Variants in WDR49 observed in about 807,000 individuals in gnomAD.
WDR49 encodes the protein cilia- and flagella-associated protein 337.
A neutral mutation model predicts 119.5 loss-of-function variants in WDR49; 107 were observed. The observed-to-expected ratio is 0.90, with a 90% CI of 0.77 to 1.05. WDR49 has a LOEUF of 1.05. Ranked by LOEUF, WDR49 falls within the 50% of genes least tolerant of loss-of-function variation. WDR49 has a pLI of 0.00. For missense variants in WDR49, 1,240 were observed against 1,220.5 expected, an observed-to-expected ratio of 1.02 and a Z score of -0.24; for synonymous variants, 425 against 418.8, an observed-to-expected ratio of 1.01 and a Z score of -0.18.
intron 8 of WDR49, among the ~76,000 whole-genome samples, chr3:167,574,296 G>C (rs1577249695): frequency 6.6e-6 from 1 of 152,226 alleles, no homozygotes; most frequent in Non-Finnish European, 1.5e-5. Flanking sequence ...TGTGTTATTT[G>C]CTTTGTCTAA....
chr3:167,521,421 C>T (rs1269139207), intron 16 of WDR49, among the ~76,000 whole-genome samples: 1 of 152,122 alleles, frequency 6.6e-6, no homozygotes. Flanking sequence ...TCCTTCTTCC[C>T]ATCCTCAGTG....
intron 16 of WDR49, among the ~76,000 whole-genome samples, chr3:167,506,829 G>A (rs563690960): frequency 2.0e-5 from 3 of 152,092 alleles, no homozygotes; most frequent in Non-Finnish European, 4.4e-5. Flanking sequence ...TGTTTATTAT[G>A]ATCTTGATAG....
chr3:167,573,773 T>C (rs1714075099), intron 8 of WDR49, among the ~76,000 whole-genome samples: 1 of 152,314 alleles, frequency 6.6e-6, no homozygotes, highest in Middle Eastern at 3.4e-3. Flanking sequence ...CAGACAGTGA[T>C]ACATTCAACA....
At chr3:167,639,733 CT>C (rs1717791001) in intron 2 of WDR49, among the ~76,000 whole-genome samples, 1 of 151,834 alleles carries the variant, frequency 6.6e-6, no homozygotes, top group African/African-American at 2.4e-5. Flanking sequence ...CTCTTTCTTG[CT>C]GTCACATCCT....
intron 4 of WDR49, among the ~76,000 whole-genome samples, chr3:167,620,856 C>G (rs1308903059): frequency 1.3e-5 from 2 of 152,124 alleles, no homozygotes; most frequent in African/African-American, 4.8e-5. Flanking sequence ...AAAGCTTTCA[C>G]AATTACAAAA....
At chr3:167,628,683 A>C (rs184437604) in intron 2 of WDR49, among the ~76,000 whole-genome samples, 1 of 152,308 alleles carries the variant, frequency 6.6e-6, no homozygotes, top group East Asian at 1.9e-4. Flanking sequence ...ATGAAGCAGA[A>C]ACTGCTGATG....
intron 7 of WDR49, among the ~76,000 whole-genome samples, chr3:167,594,018 T>C (rs575070282): frequency 1.1e-3 from 173 of 152,292 alleles, no homozygotes; most frequent in Middle Eastern, 3.4e-3. Context: ...TCCCCAGCCA[T>C]GAGCAACTAT....
intron 4 of WDR49, among the ~76,000 whole-genome samples, chr3:167,621,214 C>CT (rs139060813): frequency 0.012 from 1,873 of 152,082 alleles, 33 homozygotes; most frequent in African/African-American, 0.043. Context: ...TTAGCAAGAT[C>CT]TTTTTTTCTA....
intron 8 of WDR49, among the ~76,000 whole-genome samples, chr3:167,568,256 A>AT (rs374248390): frequency 3.9e-5 from 6 of 152,096 alleles, no homozygotes; most frequent in East Asian, 1.9e-4. Flanking sequence ...TTATTTTGGT[A>AT]TTTTTTGTAC....
chr3:167,481,833 T>C (rs1229282161), intron 18 of WDR49, among the ~76,000 whole-genome samples: 2 of 152,176 alleles, frequency 1.3e-5, no homozygotes, highest in African/African-American at 4.8e-5. Flanking sequence ...CTGGCCCGCA[T>C]GATTCAATTA....
intron 5 of WDR49, among the ~76,000 whole-genome samples, chr3:167,619,256 A>C (rs922775435): frequency 6.6e-6 from 1 of 152,166 alleles, no homozygotes; most frequent in African/African-American, 2.4e-5. Context: ...AAATAAAAGA[A>C]TACAATGTTT....
chr3:167,590,763 G>A (rs907012961), intron 7 of WDR49, among the ~76,000 whole-genome samples: 2 of 151,732 alleles, frequency 1.3e-5, no homozygotes, highest in African/African-American at 4.8e-5. Flanking sequence ...TTTTTCATCT[G>A]TACTTTTATA....
intron 8 of WDR49, among the ~76,000 whole-genome samples, chr3:167,573,391 T>TACACACACACACACACAC (rs57955643): frequency 4.9e-5 from 7 of 142,276 alleles, no homozygotes; most frequent in African/African-American, 1.8e-4. Context: ...TTATGTGGAA[T>TACACACACACACACACAC]ACACACACAC....
At chr3:167,545,509 T>TATATATATATATATAATATATATA (rs535132359) in intron 10 of WDR49, among the ~76,000 whole-genome samples, 2 of 108,298 alleles carry the variant, frequency 1.8e-5, no homozygotes, top group South Asian at 6.2e-4. Flanking sequence ...ATATTATATA[T>TATATATATATATATAATATATATA]TATATATATA....
rs188309827 is a variant in WDR49 at position 167,510,463 on chromosome 3, T to C, written c.2775-5047A>G. On this transcript the variant is annotated intron_variant, in intron 16 of 18. Coordinates refer to ENST00000682715, the MANE Select transcript of WDR49 (RefSeq NM_001366157.1). ...CACTTATTTATTTTTTTAGAAGTTT[T>C]TTAAAGCTAGTATGAGTTTTGCAGA... 4.3e-4 allele frequency among the ~76,000 whole-genome samples: 65 copies of C among 152,284 alleles called. 1 individual carries two copies. In the East Asian group the frequency reaches 0.011, roughly 26 times the overall value.
At chr3:167,486,455 G>C (rs894624021) in intron 18 of WDR49, among the ~76,000 whole-genome samples, 10 of 151,896 alleles carry the variant, frequency 6.6e-5, no homozygotes, top group Admixed American at 1.3e-4. Context: ...AAGACATAAG[G>C]CGGCATGCTG....
At chr3:167,641,608 T>G (rs866320811) in intron 2 of WDR49, among the ~76,000 whole-genome samples, 1 of 151,986 alleles carries the variant, frequency 6.6e-6, no homozygotes, top group Non-Finnish European at 1.5e-5. Flanking sequence ...CTCTTCTGGA[T>G]ATATTAACTT....
At chr3:167,611,982 G>T (rs940173853) in intron 5 of WDR49, among the ~76,000 whole-genome samples, 3 of 152,118 alleles carry the variant, frequency 2.0e-5, no homozygotes, top group African/African-American at 7.2e-5. Context: ...TGGACCAAGT[G>T]GATCCAATAG....
chr3:167,479,868 A>T (rs1750633325), intron 18 of WDR49, among the ~76,000 whole-genome samples: 1 of 152,134 alleles, frequency 6.6e-6, no homozygotes, highest in Admixed American at 6.5e-5. Flanking sequence ...AATAAGAAAC[A>T]TGGAGGTGGG....
Sources: gnomAD v4.1 joint callset for allele counts (sites outside exome capture counted in the v4.1 genomes callset) on GRCh38, gnomAD v4.1.1 for gene constraint, MANE v1.5 for transcripts, NCBI Gene and HGNC (gene_info 2026-07-23, HGNC 2026-07-21) for gene names.